The following IMMP2L variants were observed in gnomAD, a reference collection of about 807,000 sequenced individuals.
IMMP2L encodes the protein inner mitochondrial membrane peptidase subunit 2, also known as mitochondrial inner membrane protease subunit 2.
In IMMP2L, 18 loss-of-function variants were observed where a neutral mutation model predicts 19.3. That is an observed-to-expected ratio of 0.93 (90% CI 0.64 to 1.38). The LOEUF (loss-of-function observed/expected upper bound fraction) is 1.38, where lower values mean the gene tolerates loss of function less well. Ranked by LOEUF, IMMP2L falls within the 40% of genes most tolerant of loss-of-function variation. The pLI, the probability that IMMP2L is intolerant of heterozygous loss-of-function variation, is 0.00. For missense variants in IMMP2L, 233 were observed against 218.2 expected (o/e 1.07, Z -0.43); for synonymous variants, 76 against 73.0 (o/e 1.04, Z -0.21).
At chr7:110,721,474 A>C (rs1425515385) in intron 5 of IMMP2L, among the ~76,000 whole-genome samples, 5 of 152,160 alleles carry the variant, frequency 3.3e-5, no homozygotes, top group Non-Finnish European at 7.4e-5. Context: ...ATAGGAAATG[A>C]AAATATCATA....
chr7:110,980,532 T>C (rs1412712189), intron 3 of IMMP2L, among the ~76,000 whole-genome samples: 1 of 152,158 alleles, frequency 6.6e-6, no homozygotes, highest in Non-Finnish European at 1.5e-5. Context: ...TGCTTCATCT[T>C]ATCACCTTTC....
At chr7:110,683,035 GCACAACAAAA>G (rs1792845571) in intron 5 of IMMP2L, among the ~76,000 whole-genome samples, 1 of 152,038 alleles carries the variant, frequency 6.6e-6, no homozygotes, top group Admixed American at 6.6e-5. Context: ...TGAGATTAGT[GCACAACAAAA>G]TACATCAGAT....
At chr7:110,801,798 C>T (rs919711148) in intron 5 of IMMP2L, among the ~76,000 whole-genome samples, 4 of 151,980 alleles carry the variant, frequency 2.6e-5, no homozygotes, top group South Asian at 2.1e-4. Flanking sequence ...ACAGAATTGT[C>T]GAGGTCTGGA....
Position 110,838,503 on chromosome 7 carries a change from ACT to A in IMMP2L, c.408+48088_408+48089del, listed in dbSNP as rs1406375601. ...AAGGTAACTGGATAATGAGGGCTCTACTCTCATGAATGGACTAATCTATTCAT... is the reference window on the plus strand; with the variant it reads ...AAGGTAACTGGATAATGAGGGCTCTACTCATGAATGGACTAATCTATTCAT... On this transcript the variant is annotated intron_variant, in intron 5 of 5. Transcript: ENST00000405709. 3.9e-5 allele frequency among the ~76,000 whole-genome samples: 6 copies of A among 152,084 alleles called. No homozygotes were observed. The South Asian group carries it at 1.2e-3, about 32-fold the overall frequency.
chr7:111,220,924 A>G (rs940992643), intron 3 of IMMP2L, among the ~76,000 whole-genome samples: 1 of 152,018 alleles, frequency 6.6e-6, no homozygotes, highest in East Asian at 1.9e-4. Flanking sequence ...TTTTTGTTCT[A>G]TTCAGGCCCT....
intron 2 of IMMP2L, among the ~76,000 whole-genome samples, chr7:111,509,657 C>T (rs1167908808): frequency 6.6e-6 from 1 of 151,950 alleles, no homozygotes; most frequent in Non-Finnish European, 1.5e-5. Flanking sequence ...ACTTTTGTTC[C>T]AGTTGCATGT....
intron 5 of IMMP2L, among the ~76,000 whole-genome samples, chr7:110,773,203 A>G (rs187083928): frequency 6.6e-6 from 1 of 152,242 alleles, no homozygotes; most frequent in East Asian, 1.9e-4. Flanking sequence ...AGGATTTTCA[A>G]GGGTGTAAAC....
At chr7:111,197,336 G>A (rs1166904085) in intron 3 of IMMP2L, among the ~76,000 whole-genome samples, 1 of 151,968 alleles carries the variant, frequency 6.6e-6, no homozygotes, top group Admixed American at 6.6e-5. Flanking sequence ...GGTGGCGGGC[G>A]CCTGTAGTCC....
chr7:110,981,601 T>G (rs1051459130), intron 3 of IMMP2L, among the ~76,000 whole-genome samples: 1 of 152,154 alleles, frequency 6.6e-6, no homozygotes, highest in African/African-American at 2.4e-5. Context: ...TAAGTAGTGT[T>G]TGAGAGTTGA....
intron 3 of IMMP2L, among the ~76,000 whole-genome samples, chr7:111,340,784 G>A (rs1285085770): frequency 6.6e-6 from 1 of 152,044 alleles, no homozygotes; most frequent in African/African-American, 2.4e-5. Flanking sequence ...ATAAATAGCA[G>A]GAATGAACCT....
chr7:110,745,624 A>G (rs989488938), intron 5 of IMMP2L, among the ~76,000 whole-genome samples: 1 of 152,258 alleles, frequency 6.6e-6, no homozygotes, highest in Non-Finnish European at 1.5e-5. Context: ...AGAATTTTCA[A>G]ACCAGAATTT....
At chr7:110,733,782 C>T (rs1298535472) in intron 5 of IMMP2L, among the ~76,000 whole-genome samples, 3 of 151,842 alleles carry the variant, frequency 2.0e-5, no homozygotes, top group Admixed American at 2.0e-4. Context: ...GCTGTTTGGC[C>T]CTTCTTCCCC....
At chr7:111,270,944 G>A (rs985302281) in intron 3 of IMMP2L, among the ~76,000 whole-genome samples, 6 of 152,036 alleles carry the variant, frequency 3.9e-5, no homozygotes, top group Non-Finnish European at 7.4e-5. Flanking sequence ...CATAACTCCC[G>A]CTAAGACTAT....
At chr7:111,525,549 C>A (rs1184510790) in intron 1 of IMMP2L, among the ~76,000 whole-genome samples, 2 of 151,866 alleles carry the variant, frequency 1.3e-5, no homozygotes, top group African/African-American at 2.4e-5. Flanking sequence ...TGGTCCAGGG[C>A]AAGAGATGAT....
intron 3 of IMMP2L, among the ~76,000 whole-genome samples, chr7:111,007,716 C>T (rs928438838): frequency 6.6e-6 from 1 of 151,888 alleles, no homozygotes; most frequent in Admixed American, 6.6e-5. Flanking sequence ...TGCATACATA[C>T]TTATATATAT....
At chr7:111,411,579 A>G in intron 3 of IMMP2L, 1 of 320,646 alleles carries the variant, frequency 3.1e-6, no homozygotes, top group Non-Finnish European at 6.2e-6. Flanking sequence ...CAACAGGCTG[A>G]TTTAGACATC....
rs550243314 is a variant in IMMP2L at position 111,235,364 on chromosome 7, G to T, written c.239+251874C>A. On this transcript the variant is annotated intron_variant, in intron 3 of 5. Coordinates refer to ENST00000405709, the MANE Select transcript of IMMP2L (RefSeq NM_032549.4). ...TGGGCACCTGTAATCCCCGCTACTC[G>T]GGAGGCTGAGACAGGAGAATCGCTT... is the stretch of plus-strand genomic sequence containing the variant. 2.0e-5 allele frequency among the ~76,000 whole-genome samples: 3 copies of T among 152,006 alleles called. No individual in the cohort carries two copies. The East Asian group carries it at 5.8e-4, about 29-fold the overall frequency.
At chr7:111,291,879 C>G (rs1190320240) in intron 3 of IMMP2L, among the ~76,000 whole-genome samples, 2 of 152,090 alleles carry the variant, frequency 1.3e-5, no homozygotes, top group African/African-American at 2.4e-5. Context: ...GTACAGTTAT[C>G]TGTCCATTGA....
chr7:111,386,909 ATGAC>A (rs1831815907), intron 3 of IMMP2L, among the ~76,000 whole-genome samples: 1 of 152,204 alleles, frequency 6.6e-6, no homozygotes. Context: ...AAAGAAGAGA[ATGAC>A]TGTTTCACAA....
Sources: gnomAD v4.1 joint callset for allele counts (sites outside exome capture counted in the v4.1 genomes callset) on GRCh38, gnomAD v4.1.1 for gene constraint, MANE v1.5 for transcripts, NCBI Gene and HGNC (gene_info 2026-07-23, HGNC 2026-07-21) for gene names.